The following DSCAM variants were observed in gnomAD, a reference collection of about 807,000 sequenced individuals.
The protein encoded by DSCAM is cell adhesion molecule DSCAM.
In DSCAM, 47 loss-of-function variants were observed where a neutral mutation model predicts 217.7. That is an observed-to-expected ratio of 0.22 (90% confidence interval 0.17 to 0.28). The LOEUF (loss-of-function observed/expected upper bound fraction) is 0.28, where lower values mean the gene tolerates loss of function less well. Ranked by LOEUF, DSCAM falls within the 10% of genes least tolerant of loss-of-function variation. The pLI, the probability that DSCAM is intolerant of heterozygous loss-of-function variation, is 1.00. For synonymous variants in DSCAM, 1,056 were observed against 1,015.3 expected (o/e 1.04, Z -0.76); for missense variants, 2,080 against 2,618.3 (o/e 0.79, Z 4.49).
At chr21:40,499,873 T>G (rs2076157601) in intron 3 of DSCAM, among the ~76,000 whole-genome samples, 1 of 152,146 alleles carries the variant, frequency 6.6e-6, no homozygotes, top group African/African-American at 2.4e-5. Flanking sequence ...CTTTGCCTCC[T>G]GGGTTCAAGT....
chr21:40,173,357 C>G (rs1345420191), intron 15 of DSCAM, among the ~76,000 whole-genome samples: 1 of 152,088 alleles, frequency 6.6e-6, no homozygotes, highest in East Asian at 1.9e-4. Context: ...TCAGAACATT[C>G]CAGAACTGTT....
At chr21:40,425,759 A>G (rs1333304927) in intron 3 of DSCAM, among the ~76,000 whole-genome samples, 2 of 151,862 alleles carry the variant, frequency 1.3e-5, no homozygotes, top group Non-Finnish European at 2.9e-5. Flanking sequence ...GTATAATTCT[A>G]AAGAATATAT....
intron 3 of DSCAM, chr21:40,513,219 C>A (rs11909385): frequency 0.22 from 34,156 of 152,074 alleles, 5,036 homozygotes; most frequent in African/African-American, 0.41. Context: ...AACCTACCTA[C>A]CCCGTACATA....
chr21:40,834,427 A>T (rs988819058), intron 1 of DSCAM, among the ~76,000 whole-genome samples: 1 of 17,118 alleles, frequency 5.8e-5, no homozygotes, highest in South Asian at 2.6e-3. Context: ...ATAATAATAA[A>T]ATAATAATAA....
chr21:40,105,082 T>A (rs377672906), intron 20 of DSCAM, among the ~76,000 whole-genome samples: 1 of 152,172 alleles, frequency 6.6e-6, no homozygotes, highest in Non-Finnish European at 1.5e-5. Flanking sequence ...TCTTTCTGTA[T>A]GAAAATTTTA....
At chr21:40,617,795 T>G (rs972159085) in intron 3 of DSCAM, among the ~76,000 whole-genome samples, 7 of 152,234 alleles carry the variant, frequency 4.6e-5, no homozygotes, top group African/African-American at 1.7e-4. Flanking sequence ...AGGTCAGGTG[T>G]CCATAGAGTA....
chr21:40,444,774 G>A (rs1253011237), intron 3 of DSCAM, among the ~76,000 whole-genome samples: 1 of 152,156 alleles, frequency 6.6e-6, no homozygotes, highest in Non-Finnish European at 1.5e-5. Context: ...CTGATGCTCA[G>A]TGACTGTTCA....
chr21:40,740,723 C>A (rs958995376), intron 1 of DSCAM, among the ~76,000 whole-genome samples: 6 of 152,094 alleles, frequency 3.9e-5, no homozygotes, highest in African/African-American at 1.4e-4. Context: ...CACACTGGGG[C>A]TGAGAGGAGG....
At chr21:40,089,363 G>A (rs558218454) in intron 21 of DSCAM, among the ~76,000 whole-genome samples, 48 of 152,296 alleles carry the variant, frequency 3.2e-4, no homozygotes, top group African/African-American at 1.2e-3. Flanking sequence ...CTTTTGACAA[G>A]CATCCCAGGT....
chr21:40,190,750 C>G (rs73904728), intron 11 of DSCAM, among the ~76,000 whole-genome samples: 8,644 of 152,166 alleles, frequency 0.057, 778 homozygotes, highest in African/African-American at 0.19. Flanking sequence ...CTGAAATGCA[C>G]CCAGATAAAG....
At chr21:40,470,381 C>A (rs1004003381) in intron 3 of DSCAM, among the ~76,000 whole-genome samples, 1 of 152,212 alleles carries the variant, frequency 6.6e-6, no homozygotes, top group Non-Finnish European at 1.5e-5. Context: ...ACAATAACGT[C>A]CTGCCAAAGC....
At chr21:40,543,774 G>C (rs2076559885) in intron 3 of DSCAM, among the ~76,000 whole-genome samples, 1 of 152,034 alleles carries the variant, frequency 6.6e-6, no homozygotes, top group Non-Finnish European at 1.5e-5. Flanking sequence ...GTAATTTTAG[G>C]ACTGTCCCCA....
At chr21:40,453,040 T>TTGTGTGTGTGTGTGTGTGTG (rs3069917) in intron 3 of DSCAM, among the ~76,000 whole-genome samples, 3 of 134,328 alleles carry the variant, frequency 2.2e-5, no homozygotes, top group South Asian at 5.5e-4. Flanking sequence ...TTTAAAGACT[T>TTGTGTGTGTGTGTGTGTGTG]TGTGTGTGTG....
chr21:40,483,810 C>A (rs968136924), intron 3 of DSCAM, among the ~76,000 whole-genome samples: 2 of 152,150 alleles, frequency 1.3e-5, no homozygotes, highest in East Asian at 3.8e-4. Flanking sequence ...CTGGTACACA[C>A]GTGTCTTTTG....
chr21:40,374,547 G>C (rs1340798018), intron 3 of DSCAM, among the ~76,000 whole-genome samples: 4 of 152,210 alleles, frequency 2.6e-5, no homozygotes, highest in South Asian at 4.1e-4. Context: ...AACATAGAAA[G>C]ATATACTGAG....
intron 3 of DSCAM, among the ~76,000 whole-genome samples, chr21:40,643,544 G>A (rs2089908567): frequency 6.6e-6 from 1 of 152,214 alleles, no homozygotes; most frequent in South Asian, 2.1e-4. Context: ...TGAGATGGCA[G>A]AGGTTCAACT....
At position 40,782,189 on chromosome 21, in the gene DSCAM, A is replaced by C. The variant is rs114555679; in HGVS notation, c.43+64430T>G. 7.3e-3 allele frequency among the ~76,000 whole-genome samples: 1,103 copies of C among 150,982 alleles called. 2 individuals carry two copies. Among genetic ancestry groups the C allele is most frequent in the South Asian group, 0.023 (111 of 4,784 alleles). On this transcript the variant is annotated intron_variant, in intron 1 of 32. Transcript: ENST00000400454. ...CCATCTCAAAAACAAAAAACAACAA[A>C]AAAAAAAACCTTCTCTTCTAGTCCT...
At chr21:40,412,420 A>G (rs1433714154) in intron 3 of DSCAM, among the ~76,000 whole-genome samples, 2 of 152,332 alleles carry the variant, frequency 1.3e-5, no homozygotes, top group East Asian at 3.9e-4. Context: ...GCTGATAATT[A>G]TATGGACAAT....
chr21:40,803,293 C>T (rs575378677), intron 1 of DSCAM, among the ~76,000 whole-genome samples: 1 of 152,276 alleles, frequency 6.6e-6, no homozygotes, highest in East Asian at 1.9e-4. Flanking sequence ...GTTCTCATTG[C>T]CTCTGTTTGC....
Sources: gnomAD v4.1 joint callset for allele counts (sites outside exome capture counted in the v4.1 genomes callset) on GRCh38, gnomAD v4.1.1 for gene constraint, MANE v1.5 for transcripts, NCBI Gene and HGNC (gene_info 2026-07-23, HGNC 2026-07-21) for gene names.